The following PDS5B variants were observed in gnomAD, a reference collection of about 807,000 sequenced individuals.
The protein encoded by PDS5B is PDS5 cohesin associated factor B.
Under a neutral mutation model 184.1 loss-of-function variants are expected in PDS5B, and 51 were observed. That is an observed-to-expected ratio of 0.28 (90% CI 0.22 to 0.35). The LOEUF (loss-of-function observed/expected upper bound fraction) is 0.35. PDS5B is among the 10% of genes least tolerant of loss of function. The pLI, the probability that PDS5B is intolerant of heterozygous loss-of-function variation, is 1.00. For synonymous variants in PDS5B, 566 were observed against 569.2 expected (o/e 0.99, Z 0.08); for missense variants, 1,180 against 1,723.3 (o/e 0.68, Z 5.58).
chr13:32,674,055 T>TCCA (rs1354802562), intron 8 of PDS5B, among the ~76,000 whole-genome samples: 1 of 152,126 alleles, frequency 6.6e-6, no homozygotes, highest in Non-Finnish European at 1.5e-5. Flanking sequence ...CCTCAAGTAA[T>TCCA]CCACCTGCCT....
chr13:32,601,789 A>C (rs1262118350), intron 1 of PDS5B, among the ~76,000 whole-genome samples: 2 of 152,256 alleles, frequency 1.3e-5, no homozygotes, highest in Admixed American at 1.3e-4. Flanking sequence ...CTCTGACTTT[A>C]GCTAAGCAGA....
At chr13:32,694,645 A>G (rs573016178) in intron 14 of PDS5B, among the ~76,000 whole-genome samples, 2 of 151,956 alleles carry the variant, frequency 1.3e-5, no homozygotes, top group African/African-American at 4.8e-5. Context: ...CCACTCTAAG[A>G]TGTTCCCTAC....
In PDS5B at chr13:32,731,988, T is replaced by C; in HGVS notation, c.2124-113T>C. 5.1e-6 allele frequency: 4 copies of C among 789,606 alleles called. No homozygotes were observed. In the South Asian group the frequency reaches 6.3e-5, roughly 13 times the overall value. 48.9% of individuals were successfully genotyped at this position (789,606 alleles called of 1,614,324 possible). A position where few individuals can be genotyped will look rare whatever the true frequency, so the allele number is the denominator to read the frequency against. ...GGAAGTGAGTTTGAGTAAATCTTGG[T>C]GACTTTTTCTGACCTTGTAAATCAT... On this transcript the variant is annotated intron_variant, in intron 19 of 34. Transcript: ENST00000315596.
At chr13:32,696,428 T>G (rs978858956) in intron 14 of PDS5B, among the ~76,000 whole-genome samples, 1 of 152,074 alleles carries the variant, frequency 6.6e-6, no homozygotes, top group African/African-American at 2.4e-5. Context: ...GAAACGTCTT[T>G]TTTACGTGTC....
intron 12 of PDS5B, 60 bp downstream of exon 12, chr13:32,687,345 G>T: frequency 7.9e-7 from 1 of 1,272,482 alleles, no homozygotes; most frequent in East Asian, 2.5e-5. Flanking sequence ...TTGATTTATT[G>T]TTTTATGCAA....
In PDS5B at chr13:32,683,300, C is replaced by T. The variant is rs557627278; in HGVS notation, c.1058-578C>T. Among the ~76,000 whole-genome samples the T allele has an allele frequency of 7.3e-5, 11 of 151,394 alleles. No individual in the cohort carries two copies. In the East Asian group the frequency reaches 9.7e-4, roughly 13 times the overall value. ...CTGGGATTACAGGTGTGAGCTACCA[C>T]GCCTGGCCTTTAAAATTTTTTTTTT... is the stretch of plus-strand genomic sequence containing the variant. On this transcript the variant is annotated intron_variant, in intron 10 of 34. Coordinates refer to ENST00000315596, the MANE Select transcript of PDS5B (RefSeq NM_015032.4).
rs150456107 is a variant in PDS5B, at chr13:32,720,369, A to G, written c.2123+10263A>G. On this transcript the variant is annotated intron_variant, in intron 19 of 34. Transcript: ENST00000315596. ...AACGTGGTAATATATGCAAACTTAA[A>G]ATGTGTATAGTTTTTGGCTCTGCAC... is the stretch of plus-strand genomic sequence containing the variant. Among the ~76,000 whole-genome samples, 1,275 of 152,290 alleles carry G rather than the reference A, an allele frequency of 8.4e-3. 18 individuals carry two copies. The highest frequency in any genetic ancestry group is 0.029 in the African/African-American group (1,205 of 41,572).
intron 19 of PDS5B, among the ~76,000 whole-genome samples, chr13:32,730,217 G>T (rs558239672): frequency 2.7e-4 from 41 of 152,204 alleles, no homozygotes; most frequent in Non-Finnish European, 5.0e-4. Flanking sequence ...TTTCCCCATT[G>T]CTTGTTTTTG....
chr13:32,752,031 A>G (rs1264823729), intron 24 of PDS5B, among the ~76,000 whole-genome samples: 1 of 151,528 alleles, frequency 6.6e-6, no homozygotes, highest in Non-Finnish European at 1.5e-5. Flanking sequence ...TTACAATAGT[A>G]AGAAACACAC....
chr13:32,673,553 G>C (rs1950990613), intron 8 of PDS5B, among the ~76,000 whole-genome samples, 197 bp downstream of exon 8: 1 of 152,122 alleles, frequency 6.6e-6, no homozygotes. Flanking sequence ...GATAGTAACT[G>C]TTTAATAAAT....
intron 13 of PDS5B, 72 bp from the exon 14 acceptor site, chr13:32,694,151 A>G (rs1249464962): frequency 5.0e-6 from 5 of 1,006,104 alleles, no homozygotes; most frequent in Non-Finnish European, 7.6e-6. Context: ...ACCTTAAATT[A>G]TATAGTAGTA....
intron 30 of PDS5B, among the ~76,000 whole-genome samples, chr13:32,760,939 G>T (rs1417147346): frequency 6.6e-6 from 1 of 152,162 alleles, no homozygotes; most frequent in Non-Finnish European, 1.5e-5. Flanking sequence ...CTTGTTGGGG[G>T]TAATCTGTGT....
chr13:32,686,148 A>G (rs1252258768), intron 11 of PDS5B, among the ~76,000 whole-genome samples: 1 of 152,212 alleles, frequency 6.6e-6, no homozygotes, highest in African/African-American at 2.4e-5. Context: ...TTTCAACATT[A>G]CCAGCTTCCT....
chr13:32,618,752 A>G (rs1677614493), intron 1 of PDS5B, among the ~76,000 whole-genome samples: 1 of 152,184 alleles, frequency 6.6e-6, no homozygotes, highest in African/African-American at 2.4e-5. Context: ...CATCTCTTCA[A>G]ACTTGGGTAA....
At chr13:32,744,028 A>G (rs1414927423) in intron 23 of PDS5B, among the ~76,000 whole-genome samples, 3 of 152,102 alleles carry the variant, frequency 2.0e-5, no homozygotes. Flanking sequence ...ATTCAGCTAT[A>G]TAAACTTTCA....
At chr13:32,672,331 T>C (rs548487034) in intron 7 of PDS5B, among the ~76,000 whole-genome samples, 2 of 152,264 alleles carry the variant, frequency 1.3e-5, no homozygotes, top group Admixed American at 1.3e-4. Flanking sequence ...ATTAAGACAT[T>C]GTATTAGGGT....
At chr13:32,666,188 C>T (rs1282622135) in intron 6 of PDS5B, among the ~76,000 whole-genome samples, 2 of 152,184 alleles carry the variant, frequency 1.3e-5, no homozygotes, top group African/African-American at 4.8e-5. Flanking sequence ...TCAAGCAATT[C>T]TTCTGCCTCA....
At chr13:32,685,517 AT>A (rs1237452043) in intron 11 of PDS5B, among the ~76,000 whole-genome samples, 1 of 152,180 alleles carries the variant, frequency 6.6e-6, no homozygotes, top group Non-Finnish European at 1.5e-5. Flanking sequence ...CTGAAAAATA[AT>A]TGACTATATA....
At chr13:32,614,730 A>C (rs1056154543) in intron 1 of PDS5B, among the ~76,000 whole-genome samples, 2 of 152,336 alleles carry the variant, frequency 1.3e-5, no homozygotes, top group South Asian at 4.1e-4. Flanking sequence ...AAAACGTTCA[A>C]AATGGTTGAG....
Sources: gnomAD v4.1 joint callset for allele counts (sites outside exome capture counted in the v4.1 genomes callset) on GRCh38, gnomAD v4.1.1 for gene constraint, MANE v1.5 for transcripts, NCBI Gene and HGNC (gene_info 2026-07-23, HGNC 2026-07-21) for gene names.